The following KLB variants were observed in gnomAD, a reference collection of about 807,000 sequenced individuals.
The protein encoded by KLB is klotho beta, also known as beta-klotho.
Under a neutral mutation model 88.4 loss-of-function variants are expected in KLB, and 44 were observed. The ratio of observed to expected loss-of-function variants is 0.50; its 90% CI spans 0.39 to 0.64. KLB has a LOEUF of 0.64. Ranked by LOEUF, KLB falls within the 30% of genes least tolerant of loss-of-function variation. The pLI, the probability that KLB is intolerant of heterozygous loss-of-function variation, is 0.00. For missense variants in KLB, 1,137 were observed against 1,304.8 expected (o/e 0.87, Z 1.98); for synonymous variants, 548 against 513.4 (o/e 1.07, Z -0.91).
chr4:39,435,770 T>C (rs1025408992), intron 2 of KLB, among the ~76,000 whole-genome samples: 1 of 152,224 alleles, frequency 6.6e-6, no homozygotes, highest in Non-Finnish European at 1.5e-5. Flanking sequence ...GTTATTCCCA[T>C]GTCCTTTTTA....
In KLB at chr4:39,407,454, G is replaced by A. The variant is rs560220050; in HGVS notation, c.505G>A (p.Ala169Thr). The A allele has an allele frequency of 5.1e-5, 83 of 1,614,114 alleles. No individual in the cohort carries two copies. In the Middle Eastern group the frequency reaches 1.8e-3, roughly 35 times the overall value. The stretch of plus-strand genomic sequence containing the variant: ...CGATGGAATAGTAACAGTTGCCAAC[G>A]CAAAAGGTCTGCAGTACTACAGTAC... ...FPDGIVTVAN[A>T]KGLQYYSTLL... The change falls in exon 1 of 5, where the codon GCA (alanine) becomes ACA (threonine). Residue 169 changes from alanine to threonine, a missense_variant. Physicochemically the swap from Ala to Thr is moderately conservative, Grantham distance 58 (BLOSUM62 0). Around this residue, in one of 4 missense-constraint regions of KLB, gnomAD observed 597 missense variants for 765.2 expected, o/e 0.78. Transcript: ENST00000257408.
At chr4:39,409,394 G>A (rs545716425) in intron 1 of KLB, among the ~76,000 whole-genome samples, 9 of 150,912 alleles carry the variant, frequency 6.0e-5, no homozygotes, top group African/African-American at 1.7e-4. Flanking sequence ...CCAGGTTCAA[G>A]CAATTCTCCT....
intron 3 of KLB, among the ~76,000 whole-genome samples, chr4:39,440,102 TTTTTG>T (rs994670811): frequency 1.5e-5 from 2 of 137,634 alleles, no homozygotes; most frequent in Non-Finnish European, 3.2e-5. Flanking sequence ...CCATGCCCGC[TTTTTG>T]TTTTGTTTTC....
chr4:39,424,598 A>G (rs1002507632), intron 1 of KLB, among the ~76,000 whole-genome samples: 6 of 151,402 alleles, frequency 4.0e-5, no homozygotes, highest in African/African-American at 1.5e-4. Flanking sequence ...TGTTTTTATT[A>G]TTATAATAAT....
At position 39,434,829 on chromosome 4, in the gene KLB, C is replaced by T. The variant is rs112178993; in HGVS notation, c.1336+109C>T. 268 of 850,084 alleles carry T rather than the reference C, an allele frequency of 3.2e-4. 1 individual carries two copies. The African/African-American group carries it at 4.0e-3, about 13-fold the overall frequency. 52.7% of individuals were successfully genotyped at this position (850,084 alleles called of 1,614,324 possible). A position where few individuals can be genotyped will look rare whatever the true frequency, so the allele number is the denominator to read the frequency against. On this transcript the variant is annotated intron_variant, in intron 2 of 4. Transcript: ENST00000257408. ...TTGTTGGGCTTTTTTTTTTTTGAAA[C>T]GGAGTTTCTCGCTGTCTCCCAGGCT...
chr4:39,407,603 C>G lies in KLB; in HGVS notation c.654C>G (p.Phe218Leu). ...AAAATGATACCATAATAGATATCTT[C>G]AATGACTATGCCACATACTGTTTCC... ...GWKNDTIIDI[F>L]NDYATYCFQM... The change falls in exon 1 of 5, where the codon TTC becomes TTG. Residue 218 changes from phenylalanine (F) to leucine (L), a missense_variant. Phe to Leu is a conservative substitution (Grantham distance 22). Coordinates refer to ENST00000257408, the MANE Select transcript of KLB (RefSeq NM_175737.4). 2 of 1,614,092 alleles carry G rather than the reference C, an allele frequency of 1.2e-6. No homozygotes were observed. Among genetic ancestry groups the G allele is most frequent in the Non-Finnish European group, 1.7e-6 (2 of 1,179,972 alleles).
chr4:39,440,235 C>T (rs996568596), intron 3 of KLB, among the ~76,000 whole-genome samples: 4 of 151,992 alleles, frequency 2.6e-5, no homozygotes, highest in Admixed American at 1.3e-4. Context: ...ACCTCTGCCT[C>T]CTGGATTCAA....
At chr4:39,415,132 C>A (rs111265080) in intron 1 of KLB, among the ~76,000 whole-genome samples, 1 of 151,922 alleles carries the variant, frequency 6.6e-6, no homozygotes, top group African/African-American at 2.4e-5. Context: ...AGGCTGGTCT[C>A]GAACTCTGGG....
chr4:39,426,320 C>A (rs2687988), intron 1 of KLB, among the ~76,000 whole-genome samples: 89,913 of 147,022 alleles, frequency 0.61, 28,647 homozygotes, highest in Admixed American at 0.72. Context: ...GAGGCTGAGG[C>A]AGAAGAATGG....
At chr4:39,428,217 A>G (rs1743262959) in intron 1 of KLB, among the ~76,000 whole-genome samples, 1 of 152,224 alleles carries the variant, frequency 6.6e-6, no homozygotes, top group African/African-American at 2.4e-5. Context: ...ACCTGAGGTC[A>G]GGAGTTCAAG....
chr4:39,434,355 T>C lies in KLB; in HGVS notation c.971T>C (p.Val324Ala). 6.2e-7 allele frequency: 1 copy of C among 1,614,094 alleles called. No homozygotes were observed. The highest frequency in any genetic ancestry group is 8.5e-7 in the Non-Finnish European group (1 of 1,180,004). The stretch of plus-strand genomic sequence containing the variant: ...ATATTCAAATGTCAACAATCCATGG[T>C]TTCTGTGCTTGGATGGTTTGCCAAC... ...MDIFKCQQSM[V>A]SVLGWFANPI... Residue 324 changes from valine to alanine, a missense_variant, in exon 2 of 5, where the codon GTT becomes GCT. Physicochemically the swap from Val to Ala is moderately conservative, Grantham distance 64. Coordinates refer to ENST00000257408, the MANE Select transcript of KLB (RefSeq NM_175737.4).
At chr4:39,412,328 C>T (rs180906626) in intron 1 of KLB, among the ~76,000 whole-genome samples, 2 of 152,156 alleles carry the variant, frequency 1.3e-5, no homozygotes, top group East Asian at 3.9e-4. Flanking sequence ...TAACTATTAT[C>T]CTCATCTTAC....
Position 39,447,435 on chromosome 4 carries a change from G to T in KLB, c.2709G>T (p.Arg903=), listed in dbSNP as rs1743780960. 6.2e-7 allele frequency: 1 copy of T among 1,608,796 alleles called. No individual in the cohort carries two copies. Among genetic ancestry groups the T allele is most frequent in the Non-Finnish European group, 8.5e-7 (1 of 1,177,424 alleles). Reference sequence around the variant, plus strand: ...AGGCTCTGGAGGATGACCGGCTCCGGAAGTACTACCTAGGGAAGTACCTTC... The same window carrying T: ...AGGCTCTGGAGGATGACCGGCTCCGTAAGTACTACCTAGGGAAGTACCTTC... The part of the protein sequence containing the change: ...DDQALEDDRL[R]KYYLGKYLQE... Residue 903 remains arginine, a synonymous_variant, in exon 4 of 5, where the codon CGG becomes CGT. Transcript: ENST00000257408.
rs1743782832 is a variant in KLB, at chr4:39,447,474, A to C, written c.2748A>C (p.Lys916Asn). The C allele has an allele frequency of 6.4e-7, 1 of 1,566,686 alleles. No homozygotes were observed. The highest frequency in any genetic ancestry group is 8.7e-7 in the Non-Finnish European group (1 of 1,155,326). ...GGAAGTACCTTCAGGAGGTGCTGAAAGGTAAGGGCGGGGCCCCTTCAGACA... is the reference window on the plus strand; with the variant it reads ...GGAAGTACCTTCAGGAGGTGCTGAACGGTAAGGGCGGGGCCCCTTCAGACA... The part of the protein sequence containing the change: ...YLGKYLQEVL[K>N]AYLIDKVRIK... The change falls in exon 4 of 5, where the codon AAA (lysine) becomes AAC (asparagine). Residue 916 changes from lysine to asparagine, a missense_variant and splice_region_variant. This residue lies in a region of KLB where 426 missense variants were observed against 404.6 expected (regional missense o/e 1.05). Transcript: ENST00000257408.
At position 39,407,612 on chromosome 4, in the gene KLB, T is replaced by C. The variant is rs1742759257; in HGVS notation, c.663T>C (p.Tyr221=). The stretch of plus-strand genomic sequence containing the variant: ...CCATAATAGATATCTTCAATGACTA[T>C]GCCACATACTGTTTCCAGATGTTTG... ...NDTIIDIFND[Y]ATYCFQMFGD... is the part of the protein sequence containing the mutation. The change falls in exon 1 of 5, where the codon TAT becomes TAC. Residue 221 remains tyrosine (Y), a synonymous_variant. Transcript: ENST00000257408. 2.5e-6 allele frequency: 4 copies of C among 1,614,168 alleles called. No individual in the cohort carries two copies. The East Asian group carries it at 8.9e-5, about 36-fold the overall frequency.
In KLB at chr4:39,407,672, C is replaced by T. The variant is rs756443211; in HGVS notation, c.723C>T (p.Asn241=). 6.2e-7 allele frequency: 1 copy of T among 1,614,032 alleles called. No individual in the cohort carries two copies. The highest frequency in any genetic ancestry group is 1.1e-5 in the South Asian group (1 of 91,076). The change falls in exon 1 of 5, where the codon AAC becomes AAT. Residue 241 remains asparagine (N), a synonymous_variant. Coordinates refer to ENST00000257408, the MANE Select transcript of KLB (RefSeq NM_175737.4). ...TCAAATATTGGATTACAATTCACAA[C>T]CCATATCTAGTGGCTTGGCATGGGT... ...DRVKYWITIH[N]PYLVAWHGYG... is the part of the protein sequence containing the mutation.
chr4:39,415,947 G>A (rs756755173), intron 1 of KLB, among the ~76,000 whole-genome samples: 1 of 152,076 alleles, frequency 6.6e-6, no homozygotes, highest in African/African-American at 2.4e-5. Context: ...GACTAACTTT[G>A]TTTTAACATT....
chr4:39,448,788 T>C lies in KLB; in HGVS notation c.*102T>C. The C allele has an allele frequency of 9.0e-7, 1 of 1,111,934 alleles. No homozygotes were observed. Among genetic ancestry groups the C allele is most frequent in the Non-Finnish European group, 1.3e-6 (1 of 780,664 alleles). The allele number at this position is 1,111,934 out of a possible 1,614,324, so 68.9% of individuals were successfully genotyped here. ...TGTATTATAGAAAGACAATCTGAGA[T>C]ACAGCTGTAACCAAGGTGATGACAA... On this transcript the variant is annotated 3_prime_UTR_variant, in exon 5 of 5. Coordinates refer to ENST00000257408, the MANE Select transcript of KLB (RefSeq NM_175737.4).
intron 1 of KLB, among the ~76,000 whole-genome samples, chr4:39,427,465 A>G (rs1054610712): frequency 7.2e-6 from 1 of 138,710 alleles, no homozygotes; most frequent in Admixed American, 7.6e-5. Flanking sequence ...CCTGGGTGAC[A>G]GAGGGAGACT....
Sources: gnomAD v4.1 joint callset for allele counts (sites outside exome capture counted in the v4.1 genomes callset) on GRCh38, gnomAD v4.1.1 for gene constraint, gnomAD v4.1.1 regional missense constraint, MANE v1.5 for transcripts, NCBI Gene and HGNC (gene_info 2026-07-23, HGNC 2026-07-21) for gene names.